Variants in PCM1 observed in about 807,000 individuals in gnomAD.
PCM1 encodes the protein pericentriolar material 1.
Under a neutral mutation model 241.9 loss-of-function variants are expected in PCM1, and 157 were observed. That is an observed-to-expected ratio of 0.65 (90% confidence interval 0.57 to 0.74). The LOEUF (loss-of-function observed/expected upper bound fraction) is 0.74. PCM1 is among the 30% of genes least tolerant of loss of function. The pLI is 0.00. For missense variants in PCM1, 3,478 were observed against 2,360.1 expected (o/e 1.47, Z -9.81); for synonymous variants, 1,085 against 784.9 (o/e 1.38, Z -6.39).
chr8:17,982,080 C>G (rs541936026), intron 24 of PCM1, among the ~76,000 whole-genome samples: 22 of 152,212 alleles, frequency 1.4e-4, no homozygotes, highest in Admixed American at 3.3e-4. Flanking sequence ...AGAAAAGAAA[C>G]ATCACATTTG....
intron 38 of PCM1, 82 bp from the exon 39 acceptor site, chr8:18,027,555 A>G: frequency 1.1e-6 from 1 of 944,926 alleles, no homozygotes; most frequent in Non-Finnish European, 1.6e-6. Context: ...TATTAAAAGT[A>G]AAAGCTTTAA....
chr8:17,925,808 G>A (rs921398847), intron 2 of PCM1: 3 of 152,186 alleles, frequency 2.0e-5, no homozygotes, highest in African/African-American at 7.2e-5. Context: ...CTGCACCCCA[G>A]CCTAGGCAAC....
chr8:18,010,632 T>G lies in PCM1; in HGVS notation c.5184T>G (p.His1728Gln), dbSNP rs1234334616. 7 of 1,605,084 alleles carry G rather than the reference T, an allele frequency of 4.4e-6. No homozygotes were observed. The highest frequency in any genetic ancestry group is 6.0e-6 in the Non-Finnish European group (7 of 1,175,718). Residue 1728 changes from histidine to glutamine, a missense_variant, in exon 32 of 39, where the codon CAT (histidine) becomes CAG (glutamine). Physicochemically the swap from His to Gln is conservative, Grantham distance 24. Transcript: ENST00000325083. The part of the protein sequence containing the change: ...AKEAKRILED[H>Q]GSPAGEIDDE... ...AGGCTAAAAGGATTCTTGAAGATCATGGCTCACCTGCTGGAGAGATTGATG... is the reference window on the plus strand; with the variant it reads ...AGGCTAAAAGGATTCTTGAAGATCAGGGCTCACCTGCTGGAGAGATTGATG...
intron 21 of PCM1, among the ~76,000 whole-genome samples, chr8:17,967,478 T>G (rs1042419713): frequency 1.3e-5 from 2 of 152,052 alleles, no homozygotes; most frequent in Non-Finnish European, 2.9e-5. Flanking sequence ...CCAGCTAATT[T>G]TGTATTTTTA....
chr8:17,932,420 C>T (rs927470626), intron 2 of PCM1, among the ~76,000 whole-genome samples: 1 of 151,990 alleles, frequency 6.6e-6, no homozygotes, highest in African/African-American at 2.4e-5. Flanking sequence ...TTCCATTTTC[C>T]TTTTACTGTC....
At chr8:17,961,436 G>A (rs561541290) in intron 15 of PCM1, among the ~76,000 whole-genome samples, 16 of 146,712 alleles carry the variant, frequency 1.1e-4, no homozygotes, top group African/African-American at 3.0e-4. Context: ...TCAGCCTCCC[G>A]AGTAGCTGGG....
At position 17,955,556 on chromosome 8, in the gene PCM1, A is replaced by C; in HGVS notation, c.1375A>C (p.Asn459His). 6.2e-7 allele frequency: 1 copy of C among 1,613,776 alleles called. No individual in the cohort carries two copies. The highest frequency in any genetic ancestry group is 8.5e-7 in the Non-Finnish European group (1 of 1,179,714). Residue 459 changes from asparagine to histidine, a missense_variant, in exon 10 of 39, where the codon AAT becomes CAT. Transcript: ENST00000325083. ...GLAPVVNGES[N>H]SLTSSVPYPT... Reference sequence around the variant, plus strand: ...GGCACCGGTTGTCAATGGAGAATCCAATAGCCTCACATCATCTGTTCCTTA... The same window carrying C: ...GGCACCGGTTGTCAATGGAGAATCCCATAGCCTCACATCATCTGTTCCTTA...
At chr8:18,003,683 A>G (rs2090361013) in intron 29 of PCM1, among the ~76,000 whole-genome samples, 5 of 152,182 alleles carry the variant, frequency 3.3e-5, no homozygotes, top group Admixed American at 3.3e-4. Context: ...CTGGATAAAA[A>G]GAATTTGAGG....
chr8:17,973,704 C>A (rs554158641), intron 23 of PCM1, among the ~76,000 whole-genome samples: 18 of 145,390 alleles, frequency 1.2e-4, no homozygotes, highest in African/African-American at 4.1e-4. Flanking sequence ...CGTGACAGAG[C>A]AAGTCTCTGT....
Position 18,009,515 on chromosome 8 carries a change from C to T in PCM1, c.4963-32C>T, listed in dbSNP as rs186526975. On this transcript the variant is annotated intron_variant, in intron 30 of 38. Coordinates refer to ENST00000325083, the MANE Select transcript of PCM1 (RefSeq NM_006197.4). ...GTATTTTATAATTGAAGTTTACTGT[C>T]TTTAAAAATTATTTGGTTTATCTTT... The T allele has an allele frequency of 3.8e-4, 535 of 1,413,382 alleles. 1 individual carries two copies. Among genetic ancestry groups the T allele is most frequent in the Middle Eastern group, 2.9e-3 (16 of 5,578 alleles). 87.6% of individuals were successfully genotyped at this position (1,413,382 alleles called of 1,614,324 possible). A position where few individuals can be genotyped will look rare whatever the true frequency, so the allele number is the denominator to read the frequency against.
intron 6 of PCM1, among the ~76,000 whole-genome samples, chr8:17,946,562 T>C (rs913333408): frequency 1.3e-4 from 20 of 152,010 alleles, no homozygotes; most frequent in African/African-American, 4.8e-4. Flanking sequence ...AATGGTGCAG[T>C]CTCAGCTCAC....
At chr8:17,941,683 A>G (rs140508623) in intron 6 of PCM1, among the ~76,000 whole-genome samples, 13 of 152,314 alleles carry the variant, frequency 8.5e-5, no homozygotes, top group African/African-American at 2.9e-4. Context: ...TCGGCCGTGC[A>G]TTGAGGACAA....
chr8:17,949,670 G>A (rs2065259968), intron 7 of PCM1, among the ~76,000 whole-genome samples: 3 of 151,974 alleles, frequency 2.0e-5, no homozygotes, highest in Non-Finnish European at 4.4e-5. Flanking sequence ...GCTAATTTTT[G>A]TAGTTTTGTA....
intron 9 of PCM1, among the ~76,000 whole-genome samples, chr8:17,954,139 G>C (rs2067121016): frequency 6.6e-6 from 1 of 152,100 alleles, no homozygotes; most frequent in African/African-American, 2.4e-5. Flanking sequence ...ATACAACTAA[G>C]ATGTGTGGCT....
At chr8:17,923,584 C>A (rs1489963913) in intron 1 of PCM1, among the ~76,000 whole-genome samples, 1 of 151,936 alleles carries the variant, frequency 6.6e-6, no homozygotes, top group Non-Finnish European at 1.5e-5. Flanking sequence ...CTTAGAGAAA[C>A]AGGCCTTGGT....
chr8:18,011,662 C>G lies in PCM1; in HGVS notation c.5351-5C>G. 2 of 1,599,506 alleles carry G rather than the reference C, an allele frequency of 1.3e-6. No homozygotes were observed. Among genetic ancestry groups the G allele is most frequent in the African/African-American group, 2.7e-5 (2 of 74,610 alleles). ...TTACTAAAAATTGTGTATTAATCAA[C>G]TTAGATTTGTCTAAAGCTGAAACTC... On this transcript the variant is annotated splice_polypyrimidine_tract_variant and splice_region_variant and intron_variant, in intron 33 of 38. Coordinates refer to ENST00000325083, the MANE Select transcript of PCM1 (RefSeq NM_006197.4).
Position 18,014,838 on chromosome 8 carries a change from T to A in PCM1, c.5839T>A (p.Tyr1947Asn). The change falls in exon 36 of 39, where the codon TAT becomes AAT. Residue 1947 changes from tyrosine to asparagine, a missense_variant and splice_region_variant. Coordinates refer to ENST00000325083, the MANE Select transcript of PCM1 (RefSeq NM_006197.4). Reference sequence around the variant, plus strand: ...TGAATCTCCAGTGTTAGTGAATGACTATGTATGTATCATTTACATTTCCAA... The same window carrying A: ...TGAATCTCCAGTGTTAGTGAATGACAATGTATGTATCATTTACATTTCCAA... ...DTESPVLVND[Y>N]EAESGNISQK... 4 of 1,586,876 alleles carry A rather than the reference T, an allele frequency of 2.5e-6. No individual in the cohort carries two copies. The highest frequency in any genetic ancestry group is 3.4e-6 in the Non-Finnish European group (4 of 1,170,090).
intron 29 of PCM1, among the ~76,000 whole-genome samples, chr8:18,002,683 TCCCACCA>T (rs1424370958): frequency 1.0e-5 from 1 of 98,266 alleles, no homozygotes; most frequent in African/African-American, 6.4e-5. Flanking sequence ...TAGTTGACAG[TCCCACCA>T]ACAGTGTAAA....
rs550225178 is a variant in PCM1 at position 18,000,751 on chromosome 8, A to G, written c.4828-5512A>G. ...ATTCTCCCACCTCAGCCTCCCAAGT[A>G]TCTGGGACTACAGGTGCCTGTCACC... On this transcript the variant is annotated intron_variant, in intron 29 of 38. Coordinates refer to ENST00000325083, the MANE Select transcript of PCM1 (RefSeq NM_006197.4). Among the ~76,000 whole-genome samples, 8 of 152,172 alleles carry G rather than the reference A, an allele frequency of 5.3e-5. No homozygotes were observed. In the South Asian group the frequency reaches 1.0e-3, roughly 20 times the overall value.
Sources: allele counts gnomAD v4.1 joint callset (sites outside exome capture counted in the v4.1 genomes callset), GRCh38; gene constraint gnomAD v4.1.1; transcripts MANE v1.5; gene names NCBI Gene and HGNC (gene_info 2026-07-23, HGNC 2026-07-21).